CACNA2D3: variants seen among roughly 807,000 people sequenced by gnomAD.
The protein encoded by CACNA2D3 is calcium voltage-gated channel auxiliary subunit alpha2delta 3, also known as voltage-dependent calcium channel subunit alpha-2/delta-3.
Under a neutral mutation model 160.6 loss-of-function variants are expected in CACNA2D3, and 60 were observed. The observed-to-expected ratio is 0.37, with a 90% CI of 0.30 to 0.46. CACNA2D3 has a LOEUF of 0.46. CACNA2D3 is among the 20% of genes least tolerant of loss of function. CACNA2D3 has a pLI of 1.00. For missense variants in CACNA2D3, 1,205 were observed against 1,365.0 expected (o/e 0.88, Z 1.85); for synonymous variants, 558 against 492.9 (o/e 1.13, Z -1.75).
intron 17 of CACNA2D3, among the ~76,000 whole-genome samples, chr3:54,859,971 T>TGCGCGCGC (rs141605463): frequency 1.2e-3 from 75 of 61,206 alleles, no homozygotes; most frequent in African/African-American, 7.0e-3. Flanking sequence ...GGAAAGTAGA[T>TGCGCGCGC]GCACACACAC....
chr3:54,917,326 C>T (rs550912116), intron 27 of CACNA2D3, among the ~76,000 whole-genome samples: 1 of 152,314 alleles, frequency 6.6e-6, no homozygotes, highest in South Asian at 2.1e-4. Context: ...GCCAGCCACA[C>T]CTGATTTTTT....
intron 2 of CACNA2D3, among the ~76,000 whole-genome samples, chr3:54,131,548 C>T (rs751002990): frequency 2.6e-5 from 4 of 152,182 alleles, no homozygotes; most frequent in East Asian, 1.9e-4. Flanking sequence ...TTGTTTAGGA[C>T]GATATGTGGC....
chr3:54,172,288 C>T (rs979813884), intron 2 of CACNA2D3, among the ~76,000 whole-genome samples: 3 of 152,208 alleles, frequency 2.0e-5, no homozygotes, highest in Non-Finnish European at 4.4e-5. Context: ...CACTTGTTTT[C>T]GGTCGAGCCT....
chr3:54,311,067 C>T (rs1431747978), intron 2 of CACNA2D3, among the ~76,000 whole-genome samples: 1 of 152,164 alleles, frequency 6.6e-6, no homozygotes, highest in East Asian at 1.9e-4. Context: ...TGAACCCTGG[C>T]CAGTAATTCT....
chr3:54,779,970 G>A (rs1405034277), intron 13 of CACNA2D3, among the ~76,000 whole-genome samples: 1 of 152,170 alleles, frequency 6.6e-6, no homozygotes, highest in Non-Finnish European at 1.5e-5. Context: ...TAAGTACCCA[G>A]GATGAATTCA....
At chr3:54,479,532 C>A (rs1156262380) in intron 4 of CACNA2D3, among the ~76,000 whole-genome samples, 1 of 152,166 alleles carries the variant, frequency 6.6e-6, no homozygotes. Flanking sequence ...GTGTTGCCAG[C>A]CTTAACTCTT....
intron 4 of CACNA2D3, among the ~76,000 whole-genome samples, chr3:54,415,588 A>G (rs536826466): frequency 6.6e-6 from 1 of 152,370 alleles, no homozygotes; most frequent in Non-Finnish European, 1.5e-5. Context: ...TACTAATAGG[A>G]TATAGTAACA....
intron 13 of CACNA2D3, among the ~76,000 whole-genome samples, chr3:54,814,685 A>T (rs1382993273): frequency 6.6e-6 from 1 of 152,138 alleles, no homozygotes; most frequent in Non-Finnish European, 1.5e-5. Flanking sequence ...TGTGGGGAGG[A>T]TGAGGGCAGT....
chr3:54,423,785 A>C (rs1486787136), intron 4 of CACNA2D3, among the ~76,000 whole-genome samples: 2 of 152,142 alleles, frequency 1.3e-5, no homozygotes, highest in Non-Finnish European at 2.9e-5. Flanking sequence ...GAGCGTTAGG[A>C]ACTAGGCCCA....
chr3:54,427,212 G>A (rs1358042513), intron 4 of CACNA2D3, among the ~76,000 whole-genome samples: 1 of 152,118 alleles, frequency 6.6e-6, no homozygotes, highest in Admixed American at 6.6e-5. Flanking sequence ...GCACATGTAG[G>A]TTATCTGTGC....
chr3:54,854,837 A>G (rs1178333699), intron 17 of CACNA2D3, among the ~76,000 whole-genome samples: 1 of 152,208 alleles, frequency 6.6e-6, no homozygotes, highest in Non-Finnish European at 1.5e-5. Flanking sequence ...GTGTCAAGCA[A>G]AAAGTAAATT....
chr3:54,544,019 C>CA (rs1174970315), intron 5 of CACNA2D3, among the ~76,000 whole-genome samples: 1 of 151,998 alleles, frequency 6.6e-6, no homozygotes, highest in Non-Finnish European at 1.5e-5. Context: ...GCTTTCAAAA[C>CA]AAAAAAGCCT....
intron 11 of CACNA2D3, among the ~76,000 whole-genome samples, chr3:54,651,045 C>T (rs1191195911): frequency 1.3e-5 from 2 of 152,160 alleles, no homozygotes; most frequent in East Asian, 1.9e-4. Context: ...CCTGAAATGA[C>T]CACTCCAGCA....
chr3:54,675,583 T>C (rs1202777516), intron 11 of CACNA2D3, among the ~76,000 whole-genome samples: 1 of 152,104 alleles, frequency 6.6e-6, no homozygotes, highest in Non-Finnish European at 1.5e-5. Context: ...CTAGGACTCA[T>C]TTCTGCTTAG....
chr3:54,443,326 G>A (rs1188452073), intron 4 of CACNA2D3, among the ~76,000 whole-genome samples: 3 of 151,176 alleles, frequency 2.0e-5, no homozygotes, highest in East Asian at 2.0e-4. Flanking sequence ...TGAAGTGTAT[G>A]CATGTCTGTG....
At chr3:54,420,477 C>T (rs2106749076) in intron 4 of CACNA2D3, among the ~76,000 whole-genome samples, 1 of 152,316 alleles carries the variant, frequency 6.6e-6, no homozygotes, top group East Asian at 1.9e-4. Flanking sequence ...TCACAGGTCT[C>T]ATATGCCCCA....
At chr3:54,809,791 C>T (rs938909104) in intron 13 of CACNA2D3, among the ~76,000 whole-genome samples, 1 of 151,662 alleles carries the variant, frequency 6.6e-6, no homozygotes, top group African/African-American at 2.4e-5. Flanking sequence ...TTCCCTCTTT[C>T]CCTCCTTCCT....
At position 54,744,033 on chromosome 3, in the gene CACNA2D3, T is replaced by C. The variant is rs767983724; in HGVS notation, c.1168-8566T>C. Among the ~76,000 whole-genome samples, 53 of 152,326 alleles carry C rather than the reference T, an allele frequency of 3.5e-4. 1 individual carries two copies. Among genetic ancestry groups the C allele is most frequent in the African/African-American group, 6.5e-4 (27 of 41,574 alleles). Reference sequence around the variant, plus strand: ...ATGTGGTCATGCAAAGGCTTAATGATGTGATGTGCATCATAAAAACCCAAG... The same window carrying C: ...ATGTGGTCATGCAAAGGCTTAATGACGTGATGTGCATCATAAAAACCCAAG... On this transcript the variant is annotated intron_variant, in intron 11 of 37. Transcript: ENST00000474759.
intron 11 of CACNA2D3, among the ~76,000 whole-genome samples, chr3:54,678,885 G>A (rs1457433809): frequency 6.6e-6 from 1 of 152,014 alleles, no homozygotes; most frequent in Non-Finnish European, 1.5e-5. Flanking sequence ...GTGTAGCAGT[G>A]GTAGCTCAAC....
Sources: gnomAD v4.1 joint callset for allele counts (sites outside exome capture counted in the v4.1 genomes callset) on GRCh38, gnomAD v4.1.1 for gene constraint, MANE v1.5 for transcripts, NCBI Gene and HGNC (gene_info 2026-07-23, HGNC 2026-07-21) for gene names.